PITPNC1: variants seen among roughly 807,000 people sequenced by gnomAD.
PITPNC1 encodes the protein cytoplasmic phosphatidylinositol transfer protein 1.
A neutral mutation model predicts 44.7 loss-of-function variants in PITPNC1; 18 were observed. The ratio of observed to expected loss-of-function variants is 0.40; its 90% CI spans 0.28 to 0.60. PITPNC1 has a LOEUF of 0.60. Ranked by LOEUF, PITPNC1 falls within the 20% of genes least tolerant of loss-of-function variation. The pLI is 0.39. For missense variants in PITPNC1, 290 were observed against 418.4 expected, an observed-to-expected ratio of 0.69 and a Z score of 2.68; for synonymous variants, 141 against 149.6, an observed-to-expected ratio of 0.94 and a Z score of 0.42.
intron 2 of PITPNC1, among the ~76,000 whole-genome samples, chr17:67,546,170 C>T (rs1233175109): frequency 1.8e-5 from 2 of 111,376 alleles, no homozygotes; most frequent in Non-Finnish European, 3.7e-5. Flanking sequence ...AAGTGAGACT[C>T]CATCTCAAAA....
chr17:67,440,078 T>G (rs1416936513), intron 1 of PITPNC1, among the ~76,000 whole-genome samples: 2 of 152,174 alleles, frequency 1.3e-5, no homozygotes, highest in Non-Finnish European at 2.9e-5. Context: ...TCTGTAGCCT[T>G]GAGCAAAGCC....
chr17:67,611,717 C>G (rs1232601692), intron 5 of PITPNC1: 1 of 152,210 alleles, frequency 6.6e-6, no homozygotes, highest in Non-Finnish European at 1.5e-5. Flanking sequence ...CTCAGGTGTT[C>G]CACCCACCTC....
chr17:67,385,181 A>C (rs2038023153), intron 1 of PITPNC1, among the ~76,000 whole-genome samples: 2 of 152,162 alleles, frequency 1.3e-5, no homozygotes, highest in Admixed American at 1.3e-4. Flanking sequence ...AAAATGCACC[A>C]ATCAGCGCTC....
At chr17:67,573,309 G>A (rs187145362) in intron 4 of PITPNC1, among the ~76,000 whole-genome samples, 9 of 152,286 alleles carry the variant, frequency 5.9e-5, no homozygotes, top group African/African-American at 2.2e-4. Context: ...AGATCACCAG[G>A]GGAGAGGGTT....
intron 1 of PITPNC1, among the ~76,000 whole-genome samples, chr17:67,521,422 G>A (rs918691114): frequency 5.9e-5 from 9 of 152,228 alleles, no homozygotes; most frequent in South Asian, 2.1e-4. Context: ...AAACTCAAGA[G>A]AAAAGATAAA....
chr17:67,406,463 A>G (rs929239269), intron 1 of PITPNC1, among the ~76,000 whole-genome samples: 3 of 152,186 alleles, frequency 2.0e-5, no homozygotes, highest in African/African-American at 4.8e-5. Context: ...ATGGAATCAC[A>G]CAATGTATGG....
chr17:67,399,046 G>GCT (rs942095510), intron 1 of PITPNC1, among the ~76,000 whole-genome samples: 1 of 133,866 alleles, frequency 7.5e-6, no homozygotes, highest in African/African-American at 3.0e-5. Context: ...ACGCAGTCGC[G>GCT]CTCTGTTTCC....
At chr17:67,408,702 C>CT (rs1567978353) in intron 1 of PITPNC1, 3 of 139,494 alleles carry the variant, frequency 2.2e-5, no homozygotes, top group African/African-American at 7.9e-5. Flanking sequence ...TCCTTCCTTC[C>CT]TTCCTTCCTT....
chr17:67,573,556 C>CTTTTT, intron 4 of PITPNC1, among the ~76,000 whole-genome samples: 1 of 84,050 alleles, frequency 1.2e-5, no homozygotes, highest in Non-Finnish European at 2.2e-5. Flanking sequence ...ACTGAATACT[C>CTTTTT]TTTTTTTTTT....
intron 1 of PITPNC1, among the ~76,000 whole-genome samples, chr17:67,442,554 G>C (rs958790338): frequency 6.6e-6 from 1 of 151,644 alleles, no homozygotes; most frequent in African/African-American, 2.4e-5. Flanking sequence ...AAAAAAAAAT[G>C]CATTATGGCT....
intron 1 of PITPNC1, among the ~76,000 whole-genome samples, chr17:67,388,983 A>C (rs1159735759): frequency 1.3e-5 from 2 of 152,224 alleles, no homozygotes; most frequent in Non-Finnish European, 2.9e-5. Context: ...TAGCACACAA[A>C]TTCTGTGGGT....
chr17:67,425,203 G>GCGCACA lies in PITPNC1; in HGVS notation c.48+47002_48+47003insGCACAC, dbSNP rs1370190915. The stretch of plus-strand genomic sequence containing the variant: ...CCATGTTGTGCGCGCGCACGCACAC[G>GCGCACA]CACACACACACACACACACACACAC... On this transcript the variant is annotated intron_variant, in intron 1 of 8. Coordinates refer to ENST00000581322, the MANE Select transcript of PITPNC1 (RefSeq NM_012417.4). 3.2e-4 allele frequency among the ~76,000 whole-genome samples: 32 copies of GCGCACA among 98,822 alleles called. 3 individuals carry two copies. The highest frequency in any genetic ancestry group is 1.1e-3 in the East Asian group (3 of 2,756). The allele number at this position is 98,822 out of a possible 152,430, so 64.8% of individuals were successfully genotyped here. A position where few individuals can be genotyped will look rare whatever the true frequency, so the allele number is the denominator to read the frequency against.
At chr17:67,474,146 T>C (rs2039592186) in intron 1 of PITPNC1, among the ~76,000 whole-genome samples, 1 of 151,984 alleles carries the variant, frequency 6.6e-6, no homozygotes, top group South Asian at 2.1e-4. Flanking sequence ...TGGAGCGAAG[T>C]TCCTAGGAAG....
chr17:67,466,508 C>G (rs1265908884), intron 1 of PITPNC1, among the ~76,000 whole-genome samples: 2 of 152,304 alleles, frequency 1.3e-5, no homozygotes, highest in South Asian at 2.1e-4. Context: ...CCCTCCCACA[C>G]GACCCAAAAC....
At chr17:67,505,782 T>A (rs1254453795) in intron 1 of PITPNC1, among the ~76,000 whole-genome samples, 1 of 152,170 alleles carries the variant, frequency 6.6e-6, no homozygotes, top group Non-Finnish European at 1.5e-5. Context: ...GCCCAAGTTG[T>A]TTTTGAGAAC....
At chr17:67,409,012 C>T (rs2038449133) in intron 1 of PITPNC1, 1 of 145,360 alleles carries the variant, frequency 6.9e-6, no homozygotes, top group Non-Finnish European at 1.5e-5. Context: ...ACATTTAGGT[C>T]TTTGGTCCAT....
At chr17:67,682,213 A>G (rs976010631) in intron 8 of PITPNC1, among the ~76,000 whole-genome samples, 1 of 152,218 alleles carries the variant, frequency 6.6e-6, no homozygotes, top group Non-Finnish European at 1.5e-5. Flanking sequence ...AAAGAAAAAA[A>G]GAAAAAGAAA....
At chr17:67,601,894 G>A (rs536105642) in intron 5 of PITPNC1, among the ~76,000 whole-genome samples, 2 of 152,252 alleles carry the variant, frequency 1.3e-5, no homozygotes, top group African/African-American at 2.4e-5. Flanking sequence ...AGAGTGACGA[G>A]CACACGCAGA....
At chr17:67,541,493 T>C (rs2040607605) in intron 2 of PITPNC1, among the ~76,000 whole-genome samples, 1 of 134,004 alleles carries the variant, frequency 7.5e-6, no homozygotes, top group African/African-American at 2.7e-5. Flanking sequence ...ACACACACAA[T>C]AATTTAGTGT....
Sources: gnomAD v4.1 joint callset for allele counts (sites outside exome capture counted in the v4.1 genomes callset) on GRCh38, gnomAD v4.1.1 for gene constraint, MANE v1.5 for transcripts, NCBI Gene and HGNC (gene_info 2026-07-23, HGNC 2026-07-21) for gene names.